The following TMEM204 variants were observed in gnomAD, a reference collection of about 807,000 sequenced individuals.
TMEM204 encodes claudin-like protein 24.
In TMEM204, 15 loss-of-function variants were observed where a neutral mutation model predicts 19.4. The ratio of observed to expected loss-of-function variants is 0.77; its 90% CI spans 0.52 to 1.19. The LOEUF (loss-of-function observed/expected upper bound fraction) is 1.19, where lower values mean the gene tolerates loss of function less well. Among genes scored for constraint, TMEM204 ranks in the 50% most tolerant of loss-of-function variants. TMEM204 has a pLI of 0.00. For missense variants in TMEM204, 287 were observed against 321.2 expected (o/e 0.89, Z 0.81); for synonymous variants, 161 against 146.0 (o/e 1.10, Z -0.74).
chr16:1,553,667 A>G lies in TMEM204; in HGVS notation c.437-1115A>G. ...GAGGGAGGGGTGCTGGGTGGGCAGA[A>G]GCGGGGCTGGGGCTGAAGGCTGGCT... is the stretch of plus-strand genomic sequence containing the variant. On this transcript the variant is annotated intron_variant, in intron 2 of 2. Transcript: ENST00000566264. The surrounding 1 kb of genome is among the most constrained non-coding windows in gnomAD (Gnocchi z 4.4). 3.7e-6 allele frequency: 4 copies of G among 1,069,554 alleles called. No individual in the cohort carries two copies. The highest frequency in any genetic ancestry group is 4.6e-6 in the Non-Finnish European group (4 of 877,406). The allele number at this position is 1,069,554 out of a possible 1,614,324, so 66.3% of individuals were successfully genotyped here. A position where few individuals can be genotyped will look rare whatever the true frequency, so the allele number is the denominator to read the frequency against.
intron 2 of TMEM204, among the ~76,000 whole-genome samples, chr16:1,547,627 C>T (rs1378672948): frequency 1.3e-5 from 2 of 152,198 alleles, no homozygotes; most frequent in Non-Finnish European, 2.9e-5. Context: ...AGTTCCGCCT[C>T]CCAGGTTCAA....
In TMEM204 at chr16:1,534,574, C is replaced by T. The variant is rs959490058; in HGVS notation, c.280+19C>T. The T allele has an allele frequency of 6.3e-7, 1 of 1,598,978 alleles. No homozygotes were observed. The highest frequency in any genetic ancestry group is 8.5e-7 in the Non-Finnish European group (1 of 1,179,622). On this transcript the variant is annotated intron_variant, in intron 1 of 2. Transcript: ENST00000566264. ...GTCAAACGTAAGTCCAATTGTTTTC[C>T]TGATGCCTTCAGCGTGGCCGAGGCT...
rs2032683963 is a variant in TMEM204 at position 1,551,982 on chromosome 16, G to A, written c.437-2800G>A. On this transcript the variant is annotated intron_variant, in intron 2 of 2. Transcript: ENST00000566264. The surrounding 1 kb of genome is among the most constrained non-coding windows in gnomAD (Gnocchi z 4.0). ...CCCGCGCTGTCCCCCTGCAATGACG[G>A]TACCTCCAGGTCCCCTATGTGTGGA... 6.6e-6 allele frequency among the ~76,000 whole-genome samples: 1 copy of A among 152,112 alleles called. No individual in the cohort carries two copies. The highest frequency in any genetic ancestry group is 6.5e-5 in the Admixed American group (1 of 15,270).
chr16:1,549,397 C>T (rs865804515), intron 2 of TMEM204, among the ~76,000 whole-genome samples: 10 of 152,246 alleles, frequency 6.6e-5, no homozygotes, highest in African/African-American at 2.4e-4. Context: ...TCCCAGAACG[C>T]GGCTCCAGAC....
chr16:1,541,061 G>A, intron 1 of TMEM204: 1 of 985,396 alleles, frequency 1.0e-6, no homozygotes, highest in African/African-American at 1.7e-5. Context: ...TGGTCCCTGA[G>A]GGCAACAAAC....
In TMEM204 at chr16:1,553,382, C is replaced by A. The variant is rs2032837054; in HGVS notation, c.437-1400C>A. ...GATGCTGGGGCCACACAGGGCAGGG[C>A]ATGATTTGGTTTCCTGGGGAATGCA... On this transcript the variant is annotated intron_variant, in intron 2 of 2. Coordinates refer to ENST00000566264, the MANE Select transcript of TMEM204 (RefSeq NM_024600.6). This position sits in a 1 kb window ranked among gnomAD's most constrained non-coding sequence, Gnocchi z 4.4. The A allele has an allele frequency of 1.8e-5, 18 of 985,398 alleles. No homozygotes were observed. Among genetic ancestry groups the A allele is most frequent in the South Asian group, 9.4e-5 (2 of 21,282 alleles). 61.0% of individuals were successfully genotyped at this position (985,398 alleles called of 1,614,324 possible).
intron 1 of TMEM204, among the ~76,000 whole-genome samples, chr16:1,537,658 G>A (rs1047847598): frequency 6.6e-6 from 1 of 152,180 alleles, no homozygotes; most frequent in South Asian, 2.1e-4. Context: ...TGTCCAGAGG[G>A]GGTCTCAATT....
chr16:1,539,090 T>C (rs1200930676), intron 1 of TMEM204, among the ~76,000 whole-genome samples: 2 of 124,438 alleles, frequency 1.6e-5, no homozygotes, highest in African/African-American at 6.4e-5. Flanking sequence ...CAGTGCCAGA[T>C]GGCCCCCCAC....
chr16:1,537,510 G>A (rs2066937), intron 1 of TMEM204, among the ~76,000 whole-genome samples: 38,676 of 152,182 alleles, frequency 0.25, 5,459 homozygotes, highest in African/African-American at 0.37. Context: ...ACTTCATCCA[G>A]GTTCAGGCCC....
chr16:1,554,904 A>G lies in TMEM204; in HGVS notation c.559A>G (p.Ile187Val). ...GGCCACGCTGGCGGCAGCCATGCTC[A>G]TCTGGAACATTCTCCACAAGAGGGA... ...LLATLAAAML[I>V]WNILHKREDC... The change falls in exon 3 of 3, where the codon ATC becomes GTC. Residue 187 changes from isoleucine (I) to valine (V), a missense_variant. By Grantham distance (29) the Ile-to-Val change is conservative. Transcript: ENST00000566264. 1 of 1,614,230 alleles carries G rather than the reference A, an allele frequency of 6.2e-7. No homozygotes were observed. Among genetic ancestry groups the G allele is most frequent in the Non-Finnish European group, 8.5e-7 (1 of 1,180,044 alleles).
At chr16:1,547,249 G>C (rs2032251399) in intron 2 of TMEM204, among the ~76,000 whole-genome samples, 1 of 152,164 alleles carries the variant, frequency 6.6e-6, no homozygotes, top group African/African-American at 2.4e-5. Context: ...CACTAGAAAG[G>C]GCACCATGGA....
chr16:1,553,250 C>CTCTCTGTATCTCTCTTGG lies in TMEM204; in HGVS notation c.437-1524_437-1507dup. On this transcript the variant is annotated intron_variant, in intron 2 of 2. Coordinates refer to ENST00000566264, the MANE Select transcript of TMEM204 (RefSeq NM_024600.6). This position sits in a 1 kb window ranked among gnomAD's most constrained non-coding sequence, Gnocchi z 4.4. ...CATCTGTCTCTGTGTCTGTCTCTGT[C>CTCTCTGTATCTCTCTTGG]TCTCTGTATCTCTCTTGGTCTCTGT... is the stretch of plus-strand genomic sequence containing the variant. 1.0e-6 allele frequency: 1 copy of CTCTCTGTATCTCTCTTGG among 976,388 alleles called. No individual in the cohort carries two copies. The highest frequency in any genetic ancestry group is 1.2e-6 in the Non-Finnish European group (1 of 821,754). The allele number at this position is 976,388 out of a possible 1,614,324, so 60.5% of individuals were successfully genotyped here.
rs747586942 is a variant in TMEM204 at position 1,534,229 on chromosome 16, A to G, written c.-47A>G. 1.2e-6 allele frequency: 2 copies of G among 1,600,402 alleles called. No homozygotes were observed. Among genetic ancestry groups the G allele is most frequent in the Non-Finnish European group, 1.7e-6 (2 of 1,178,180 alleles). On this transcript the variant is annotated 5_prime_UTR_variant, in exon 1 of 3. Coordinates refer to ENST00000566264, the MANE Select transcript of TMEM204 (RefSeq NM_024600.6). ...GCTCTCCCTGGACGTGCGGCCGCGG[A>G]CTGGGACTTGGCTTTCTCCGGATAA... is the stretch of plus-strand genomic sequence containing the variant.
In TMEM204 at chr16:1,534,208, TC is replaced by T; in HGVS notation, c.-65del. The T allele has an allele frequency of 6.3e-7, 1 of 1,583,558 alleles. No individual in the cohort carries two copies. ...TAGCCACCCCTAGCAGCGTCGGCTC[TC>T]CCTGGACGTGCGGCCGCGGACTGGG... On this transcript the variant is annotated 5_prime_UTR_variant, in exon 1 of 3. Coordinates refer to ENST00000566264, the MANE Select transcript of TMEM204 (RefSeq NM_024600.6).
At chr16:1,552,648 CTTTTTTTTT>C (rs11409894) in intron 2 of TMEM204, among the ~76,000 whole-genome samples, 3 of 127,586 alleles carry the variant, frequency 2.4e-5, no homozygotes, top group Admixed American at 1.7e-4. Flanking sequence ...AAAGAGAATG[CTTTTTTTTT>C]TTTTTTTTTG....
chr16:1,542,307 C>T (rs750750394), intron 2 of TMEM204, among the ~76,000 whole-genome samples: 4 of 152,264 alleles, frequency 2.6e-5, no homozygotes, highest in African/African-American at 4.8e-5. Context: ...AGGCTGCGAC[C>T]ACCTGGCGTG....
At chr16:1,552,951 T>A (rs1229804937) in intron 2 of TMEM204, 1 of 984,720 alleles carries the variant, frequency 1.0e-6, no homozygotes, top group Non-Finnish European at 1.2e-6. Flanking sequence ...CTGTGCCTTG[T>A]CTAGAATGTT....
intron 2 of TMEM204, chr16:1,554,264 T>C (rs371145335): frequency 1.0e-5 from 5 of 483,090 alleles, no homozygotes; most frequent in Admixed American, 7.4e-5. Context: ...AGCATAGCTC[T>C]GGGCGCGATG....
intron 1 of TMEM204, among the ~76,000 whole-genome samples, chr16:1,535,163 G>C (rs1313279890): frequency 1.3e-5 from 2 of 152,172 alleles, no homozygotes; most frequent in Non-Finnish European, 2.9e-5. Flanking sequence ...TTGAGGCAGA[G>C]AGCAGCAGCA....
Sources: gnomAD v4.1 joint callset for allele counts (sites outside exome capture counted in the v4.1 genomes callset) on GRCh38, gnomAD v4.1.1 for gene constraint, Gnocchi (gnomAD v3.1) non-coding constraint, MANE v1.5 for transcripts, NCBI Gene and HGNC (gene_info 2026-07-23, HGNC 2026-07-21) for gene names.